The following NODAL variants were observed in gnomAD, a reference collection of about 807,000 sequenced individuals.
NODAL encodes nodal homolog.
Under a neutral mutation model 34.0 loss-of-function variants are expected in NODAL, and 12 were observed. That is an observed-to-expected ratio of 0.35 (90% confidence interval 0.23 to 0.57). The LOEUF is 0.57. NODAL is among the 20% of genes least tolerant of loss of function. The pLI, the probability that NODAL is intolerant of heterozygous loss-of-function variation, is 0.83. For missense variants in NODAL, 390 were observed against 444.2 expected (o/e 0.88, Z 1.10); for synonymous variants, 162 against 186.4 (o/e 0.87, Z 1.07).
upstream of NODAL, among the ~76,000 whole-genome samples, chr10:70,444,381 G>C (rs1423650222): frequency 1.3e-5 from 2 of 149,088 alleles, no homozygotes; most frequent in East Asian, 3.9e-4. Context: ...CCAGGCTAGA[G>C]TGCAGTTACA....
chr10:70,442,370 C>T (rs1358695036), upstream of NODAL, among the ~76,000 whole-genome samples: 2 of 152,226 alleles, frequency 1.3e-5, no homozygotes, highest in Non-Finnish European at 2.9e-5. Context: ...GACATCACCC[C>T]AGTGATTTCA....
At chr10:70,445,403 G>T (rs1388655396), upstream of NODAL, among the ~76,000 whole-genome samples, 3 of 151,906 alleles carry the variant, frequency 2.0e-5, no homozygotes, top group Non-Finnish European at 4.4e-5. Flanking sequence ...GACTACAGGC[G>T]CCCCCCACCA....
At chr10:70,437,460 CAT>C (rs1339808088) in intron 1 of NODAL, among the ~76,000 whole-genome samples, 1 of 152,136 alleles carries the variant, frequency 6.6e-6, no homozygotes, top group Non-Finnish European at 1.5e-5. Flanking sequence ...CAACAACAAA[CAT>C]AGTAATGAAC....
At position 70,435,103 on chromosome 10, in the gene NODAL, G is replaced by A. The variant is rs189713581; in HGVS notation, c.891+183C>T. 6.8e-5 allele frequency: 42 copies of A among 620,070 alleles called. No individual in the cohort carries two copies. The Admixed American group carries it at 8.0e-4, about 12-fold the overall frequency. The allele number at this position is 620,070 out of a possible 1,614,324, so 38.4% of individuals were successfully genotyped here. A position where few individuals can be genotyped will look rare whatever the true frequency, so the allele number is the denominator to read the frequency against. ...CCCAGTGACGCATGACCCCATACAG[G>A]CTCTATAAGGATGTTACACTCGGTC... On this transcript the variant is annotated intron_variant, in intron 2 of 2. Coordinates refer to ENST00000287139, the MANE Select transcript of NODAL (RefSeq NM_018055.5).
At chr10:70,442,602 T>G (rs1039335339), upstream of NODAL, among the ~76,000 whole-genome samples, 3 of 152,184 alleles carry the variant, frequency 2.0e-5, no homozygotes, top group Non-Finnish European at 4.4e-5. Flanking sequence ...CCTGCCCCAG[T>G]GTCTGGCCCC....
intron 1 of NODAL, 137 bp from the exon 2 acceptor site, chr10:70,436,120 A>C: frequency 1.3e-6 from 1 of 750,362 alleles, no homozygotes; most frequent in Non-Finnish European, 2.3e-6. Context: ...CCCCAACTCT[A>C]TGAGTTGGTA....
Position 70,435,286 on chromosome 10 carries a change from C to A in NODAL, c.891G>T (p.Gln297His). The A allele has an allele frequency of 6.2e-7, 1 of 1,607,680 alleles. No individual in the cohort carries two copies. Among genetic ancestry groups the A allele is most frequent in the East Asian group, 2.2e-5 (1 of 44,656 alleles). The part of the protein sequence containing the change: ...EFHPTNHAYI[Q>H]SLLKRYQPHR... ...CTCCCCCTCACGCCTGGCATCCCAC[C>A]TGGATGTATGCATGGTTGGTCGGAT... The change falls in exon 2 of 3, where the codon CAG becomes CAT. Residue 297 changes from glutamine (Q) to histidine (H), a missense_variant and splice_region_variant. Transcript: ENST00000287139.
intron 1 of NODAL, 77 bp from the exon 2 acceptor site, chr10:70,436,060 T>A (rs1448557383): frequency 1.6e-6 from 2 of 1,216,840 alleles, no homozygotes; most frequent in Non-Finnish European, 2.4e-6. Context: ...ACAACCACCA[T>A]AGCTCTTGCT....
chr10:70,436,179 G>T lies in NODAL; in HGVS notation c.194-196C>A, dbSNP rs529928369. On this transcript the variant is annotated intron_variant, in intron 1 of 2. Transcript: ENST00000287139. ...ATGAGGAAAACTGAGGCTCAGTGTG[G>T]TTAAAAGATCTGACCAAGGTGTCAT... The T allele has an allele frequency of 1.1e-5, 7 of 626,924 alleles. No individual in the cohort carries two copies. In the East Asian group the frequency reaches 2.0e-4, roughly 17 times the overall value. 38.8% of individuals were successfully genotyped at this position (626,924 alleles called of 1,614,324 possible).
At chr10:70,442,638 C>G (rs1364911823), upstream of NODAL, among the ~76,000 whole-genome samples, 1 of 152,198 alleles carries the variant, frequency 6.6e-6, no homozygotes, top group Non-Finnish European at 1.5e-5. Context: ...CACCTGAGGG[C>G]TCTTTCTCTT....
intron 1 of NODAL, among the ~76,000 whole-genome samples, chr10:70,440,731 C>G (rs12777854): frequency 6.6e-6 from 1 of 152,094 alleles, no homozygotes; most frequent in Non-Finnish European, 1.5e-5. Context: ...GACACCCACT[C>G]CCCTGCAAAT....
chr10:70,438,243 G>A (rs1472471948), intron 1 of NODAL, among the ~76,000 whole-genome samples: 25 of 152,310 alleles, frequency 1.6e-4, no homozygotes, highest in Middle Eastern at 3.4e-3. Flanking sequence ...GCAGTGAGCT[G>A]AGATTGCGCC....
rs750214155 is a variant in NODAL at position 70,433,075 on chromosome 10, C to T, written c.905G>A (p.Arg302His). The T allele has an allele frequency of 1.1e-5, 18 of 1,614,028 alleles. No individual in the cohort carries two copies. The highest frequency in any genetic ancestry group is 1.4e-5 in the Non-Finnish European group (17 of 1,180,032). ...GGAAGGGACTCGGTGGGGCTGGTAA[C>T]GTTTCAGCAGACTCTGTAAAGGAAA... ...NHAYIQSLLK[R>H]YQPHRVPSTC... Residue 302 changes from arginine to histidine, a missense_variant, in exon 3 of 3, where the codon CGT (arginine) becomes CAT (histidine). Physicochemically the swap from Arg to His is conservative, Grantham distance 29. Transcript: ENST00000287139.
At chr10:70,446,732 C>G (rs151230022) in intron 1 of NODAL, among the ~76,000 whole-genome samples, 2 of 151,998 alleles carry the variant, frequency 1.3e-5, no homozygotes, top group African/African-American at 4.8e-5. Context: ...ATGTTCTGTG[C>G]GGAAAGCCTT....
chr10:70,443,835 G>A (rs558531248), upstream of NODAL, among the ~76,000 whole-genome samples: 21 of 151,218 alleles, frequency 1.4e-4, no homozygotes, highest in Non-Finnish European at 2.1e-4. Flanking sequence ...GTGAAACTCC[G>A]TCTCAAAAAA....
At chr10:70,434,839 G>A (rs879657805) in intron 2 of NODAL, 1 of 192,730 alleles carries the variant, frequency 5.2e-6, no homozygotes, top group Non-Finnish European at 1.1e-5. Context: ...TCTGAAATAT[G>A]GCATTGCCCT....
upstream of NODAL, among the ~76,000 whole-genome samples, chr10:70,443,863 T>C (rs556306995): frequency 2.0e-5 from 3 of 151,162 alleles, no homozygotes; most frequent in African/African-American, 7.3e-5. Flanking sequence ...AAAAATTCAG[T>C]GAATGGCACT....
upstream of NODAL, among the ~76,000 whole-genome samples, chr10:70,442,945 A>G (rs1845448572): frequency 6.6e-6 from 1 of 152,094 alleles, no homozygotes. Flanking sequence ...TGAGCCAGGC[A>G]TTTTTGTGGT....
intron 2 of NODAL, 24 bp downstream of exon 2, chr10:70,435,262 T>TC: frequency 2.5e-6 from 4 of 1,579,554 alleles, no homozygotes; most frequent in Non-Finnish European, 3.4e-6. Context: ...CTGCCTCCCC[T>TC]CCCCCTCACG....
Sources: allele counts gnomAD v4.1 joint callset (sites outside exome capture counted in the v4.1 genomes callset), GRCh38; gene constraint gnomAD v4.1.1; transcripts MANE v1.5; gene names NCBI Gene and HGNC (gene_info 2026-07-23, HGNC 2026-07-21).